Variants in CAST observed in about 807,000 individuals in gnomAD.
The protein encoded by CAST is calpastatin, also known as MIR583 host.
A neutral mutation model predicts 119.6 loss-of-function variants in CAST; 76 were observed. That is an observed-to-expected ratio of 0.64 (90% confidence interval 0.53 to 0.77). The LOEUF (loss-of-function observed/expected upper bound fraction) is 0.77. Among genes scored for constraint, CAST ranks in the 30% least tolerant of loss-of-function variants. The probability of loss-of-function intolerance (pLI) is 0.00; values close to 1 mark genes in which losing one functional copy is unlikely to be tolerated. For synonymous variants in CAST, 319 were observed against 331.6 expected, an observed-to-expected ratio of 0.96 and a Z score of 0.41; for missense variants, 953 against 946.5, an observed-to-expected ratio of 1.01 and a Z score of -0.09.
At chr5:96,338,826 G>A in the CAST span, among the ~76,000 whole-genome samples, 1 of 152,102 alleles carries the variant, frequency 6.6e-6, no homozygotes, top group Non-Finnish European at 1.5e-5. Flanking sequence ...TGGTGTTCTT[G>A]CTCAGACCTT....
At chr5:96,000,770 T>C in the CAST span, among the ~76,000 whole-genome samples, 1 of 152,208 alleles carries the variant, frequency 6.6e-6, no homozygotes, top group Non-Finnish European at 1.5e-5. Context: ...CATACTAGTT[T>C]GACATCATCT....
At chr5:96,763,032 TTATAAAGGGA>T in intron 25 of CAST, 3 of 719,070 alleles carry the variant, frequency 4.2e-6, no homozygotes, top group Non-Finnish European at 7.7e-6. Flanking sequence ...GCACATCAAA[TTATAAAGGGA>T]TTGCCCTAAA....
the CAST span, among the ~76,000 whole-genome samples, chr5:96,126,834 A>G: frequency 1.3e-5 from 2 of 152,168 alleles, no homozygotes; most frequent in African/African-American, 4.8e-5. Context: ...AAGGTATAAA[A>G]AGGTTAAGAT....
At chr5:96,545,808 T>TTTAAG (rs1296305975) in intron 1 of CAST, among the ~76,000 whole-genome samples, 1 of 152,228 alleles carries the variant, frequency 6.6e-6, no homozygotes, top group Non-Finnish European at 1.5e-5. Flanking sequence ...TTTTCTTCAC[T>TTTAAG]TGATTGTTAA....
the CAST span, among the ~76,000 whole-genome samples, chr5:95,975,824 T>C: frequency 6.6e-6 from 1 of 152,190 alleles, no homozygotes; most frequent in Non-Finnish European, 1.5e-5. Flanking sequence ...GGTTCTTTTA[T>C]AATCATTTAT....
the CAST span, among the ~76,000 whole-genome samples, chr5:96,072,663 A>C: frequency 6.6e-6 from 1 of 152,136 alleles, no homozygotes; most frequent in African/African-American, 2.4e-5. Flanking sequence ...TGTGTTACGC[A>C]TTTGCTGCTA....
the CAST span, among the ~76,000 whole-genome samples, chr5:96,452,951 C>T: frequency 9.5e-5 from 4 of 42,292 alleles, no homozygotes; most frequent in East Asian, 8.2e-4. Flanking sequence ...AGCGAGACTC[C>T]GTCTCAAAAA....
the CAST span, among the ~76,000 whole-genome samples, chr5:96,028,449 A>G: frequency 6.6e-6 from 1 of 152,036 alleles, no homozygotes; most frequent in Non-Finnish European, 1.5e-5. Context: ...TTAATGATGT[A>G]TTTCATGGCA....
chr5:96,774,440 T>G lies in CAST; in HGVS notation c.*1824T>G. On this transcript the variant is annotated 3_prime_UTR_variant, in exon 32 of 32. Transcript: ENST00000675179. ...AGCTACAGGATCTAAAGCAGCCCTTTTTACAGTCTAGTTAGGAGAGAGAAA... is the reference window on the plus strand; with the variant it reads ...AGCTACAGGATCTAAAGCAGCCCTTGTTACAGTCTAGTTAGGAGAGAGAAA... 1 of 906,468 alleles carries G rather than the reference T, an allele frequency of 1.1e-6. No homozygotes were observed. The highest frequency in any genetic ancestry group is 5.1e-5 in the South Asian group (1 of 19,736). The allele number at this position is 906,468 out of a possible 1,614,324, so 56.2% of individuals were successfully genotyped here.
At chr5:95,975,644 G>A in the CAST span, among the ~76,000 whole-genome samples, 2 of 152,166 alleles carry the variant, frequency 1.3e-5, no homozygotes, top group Non-Finnish European at 2.9e-5. Flanking sequence ...TTCCCTAGGT[G>A]TGAACTAAGA....
chr5:96,622,747 G>T (rs1255571786), intron 1 of CAST, among the ~76,000 whole-genome samples: 1 of 151,572 alleles, frequency 6.6e-6, no homozygotes, highest in Non-Finnish European at 1.5e-5. Context: ...TTACATATAA[G>T]AGAGTTTAAT....
the CAST span, among the ~76,000 whole-genome samples, chr5:96,312,040 G>A: frequency 6.6e-6 from 1 of 151,844 alleles, no homozygotes; most frequent in African/African-American, 2.4e-5. Context: ...GTTTTCTGTA[G>A]TAATATGTTT....
chr5:96,569,623 C>G (rs1327802336), intron 1 of CAST, among the ~76,000 whole-genome samples: 1 of 152,166 alleles, frequency 6.6e-6, no homozygotes, highest in Non-Finnish European at 1.5e-5. Context: ...GTTTGTGATT[C>G]TCAGTTTCTT....
the CAST span, among the ~76,000 whole-genome samples, chr5:96,097,329 C>CT: frequency 0.28 from 38,720 of 137,288 alleles, 5,550 homozygotes; most frequent in Non-Finnish European, 0.35. Flanking sequence ...AGCTCAAAGT[C>CT]TTTTTTTTTT....
At chr5:96,572,701 A>C (rs1355830296) in intron 1 of CAST, among the ~76,000 whole-genome samples, 1 of 152,110 alleles carries the variant, frequency 6.6e-6, no homozygotes, top group East Asian at 1.9e-4. Flanking sequence ...GGGCATCAAA[A>C]CAAGACTCGC....
At chr5:96,616,755 C>G (rs13157834) in intron 1 of CAST, among the ~76,000 whole-genome samples, 1 of 35,704 alleles carries the variant, frequency 2.8e-5, no homozygotes, top group African/African-American at 1.8e-4. Context: ...TATATATATA[C>G]ACACACACAC....
chr5:96,637,772 C>G (rs1747903538), intron 1 of CAST, among the ~76,000 whole-genome samples: 1 of 151,996 alleles, frequency 6.6e-6, no homozygotes, highest in South Asian at 2.1e-4. Flanking sequence ...CAATGTCTTA[C>G]CAAATAAGTA....
chr5:96,173,903 G>A, the CAST span, among the ~76,000 whole-genome samples: 4 of 151,862 alleles, frequency 2.6e-5, no homozygotes, highest in Admixed American at 6.6e-5. Flanking sequence ...CACCACGCCC[G>A]GCTAATTTTT....
At chr5:96,224,466 A>G in the CAST span, among the ~76,000 whole-genome samples, 5,201 of 152,218 alleles carry the variant, frequency 0.034, 299 homozygotes, top group African/African-American at 0.12. Flanking sequence ...AATCTAATCA[A>G]TCACACCTGT....
Sources: gnomAD v4.1 joint callset for allele counts (sites outside exome capture counted in the v4.1 genomes callset) on GRCh38, gnomAD v4.1.1 for gene constraint, MANE v1.5 for transcripts, NCBI Gene and HGNC (gene_info 2026-07-23, HGNC 2026-07-21) for gene names.